TMEM178B: variants seen among roughly 807,000 people sequenced by gnomAD.
The protein encoded by TMEM178B is transmembrane protein 178B.
A neutral mutation model predicts 31.0 loss-of-function variants in TMEM178B; 5 were observed. The ratio of observed to expected loss-of-function variants is 0.16; its 90% CI spans 0.08 to 0.34. The LOEUF (loss-of-function observed/expected upper bound fraction) is 0.34, where lower values mean the gene tolerates loss of function less well. TMEM178B is among the 10% of genes least tolerant of loss of function. TMEM178B has a pLI of 1.00. For missense variants in TMEM178B, 275 were observed against 400.3 expected (o/e 0.69, Z 2.67); for synonymous variants, 164 against 164.0 (o/e 1.00, Z 0.00).
intron 1 of TMEM178B, among the ~76,000 whole-genome samples, chr7:141,075,373 A>G (rs1794585840): frequency 6.6e-6 from 1 of 152,228 alleles, no homozygotes; most frequent in African/African-American, 2.4e-5. Flanking sequence ...CAGTAACATC[A>G]AAGTGGGCAT....
chr7:141,108,145 T>C (rs1486502882), intron 1 of TMEM178B, among the ~76,000 whole-genome samples: 1 of 152,072 alleles, frequency 6.6e-6, no homozygotes, highest in Non-Finnish European at 1.5e-5. Flanking sequence ...AGGAGAAATA[T>C]TGGAGGCCGT....
intron 2 of TMEM178B, among the ~76,000 whole-genome samples, chr7:141,401,652 C>T (rs374803833): frequency 6.6e-6 from 1 of 152,068 alleles, no homozygotes; most frequent in African/African-American, 2.4e-5. Context: ...GAGATTCTCC[C>T]AACTTGGCCT....
chr7:141,103,263 C>T (rs1222681085), intron 1 of TMEM178B, among the ~76,000 whole-genome samples: 5 of 152,112 alleles, frequency 3.3e-5, no homozygotes, highest in Admixed American at 6.6e-5. Context: ...TGTAGATCAC[C>T]GGGGTAGGAA....
At chr7:141,316,215 C>G (rs1162863156) in intron 2 of TMEM178B, among the ~76,000 whole-genome samples, 2 of 152,144 alleles carry the variant, frequency 1.3e-5, no homozygotes, top group Admixed American at 1.3e-4. Flanking sequence ...GATTGGCTGG[C>G]TGGTGGGGCT....
chr7:141,335,497 AT>A (rs1478634200), intron 2 of TMEM178B, among the ~76,000 whole-genome samples: 1 of 152,136 alleles, frequency 6.6e-6, no homozygotes, highest in Non-Finnish European at 1.5e-5. Context: ...GTTCTGGACA[AT>A]TGGACAGGCA....
At chr7:141,253,470 C>T (rs1338956611) in intron 2 of TMEM178B, among the ~76,000 whole-genome samples, 2 of 151,172 alleles carry the variant, frequency 1.3e-5, no homozygotes, top group Admixed American at 6.6e-5. Context: ...AAAAATGCTG[C>T]ATTAAGTTAA....
chr7:141,179,365 A>G (rs1451607973), intron 1 of TMEM178B, among the ~76,000 whole-genome samples: 4 of 152,188 alleles, frequency 2.6e-5, no homozygotes, highest in Admixed American at 6.5e-5. Context: ...TACATTTTGG[A>G]AAAAAAGGGA....
chr7:141,419,482 G>A (rs1236833662), intron 2 of TMEM178B, among the ~76,000 whole-genome samples: 3 of 152,096 alleles, frequency 2.0e-5, no homozygotes, highest in Non-Finnish European at 4.4e-5. Context: ...CTCTGCTATA[G>A]TGCAGGTCTT....
chr7:141,149,319 G>A (rs550852998), intron 1 of TMEM178B, among the ~76,000 whole-genome samples: 9 of 152,302 alleles, frequency 5.9e-5, no homozygotes, highest in African/African-American at 1.9e-4. Context: ...CACTTTGGAA[G>A]GCCAAGGTGG....
chr7:141,380,863 A>C (rs1302416001), intron 2 of TMEM178B, among the ~76,000 whole-genome samples: 1 of 152,190 alleles, frequency 6.6e-6, no homozygotes, highest in African/African-American at 2.4e-5. Flanking sequence ...CAGGGAAAGA[A>C]GGCTATACCT....
intron 1 of TMEM178B, among the ~76,000 whole-genome samples, chr7:141,114,135 A>G (rs1795279286): frequency 6.6e-6 from 1 of 152,254 alleles, no homozygotes; most frequent in African/African-American, 2.4e-5. Context: ...CATTGATTCT[A>G]TAGGAATTGC....
intron 1 of TMEM178B, among the ~76,000 whole-genome samples, chr7:141,148,920 A>G (rs1795903941): frequency 6.6e-6 from 1 of 152,230 alleles, no homozygotes; most frequent in African/African-American, 2.4e-5. Context: ...ACAGGGAACT[A>G]CTAGTGAAAA....
At chr7:141,425,823 C>A (rs1002694406) in intron 2 of TMEM178B, among the ~76,000 whole-genome samples, 4 of 152,164 alleles carry the variant, frequency 2.6e-5, no homozygotes, top group African/African-American at 9.7e-5. Flanking sequence ...GAGCAATTCT[C>A]TGATCCGGAG....
intron 2 of TMEM178B, among the ~76,000 whole-genome samples, chr7:141,295,097 G>A (rs1428440001): frequency 6.6e-6 from 1 of 152,194 alleles, no homozygotes; most frequent in Non-Finnish European, 1.5e-5. Context: ...GGTCTCCCAT[G>A]GCCAGAGCTG....
chr7:141,440,682 A>G (rs1801641725), intron 3 of TMEM178B, among the ~76,000 whole-genome samples: 1 of 152,182 alleles, frequency 6.6e-6, no homozygotes. Context: ...CATGCAATCT[A>G]TTTTTTAAGT....
intron 2 of TMEM178B, among the ~76,000 whole-genome samples, chr7:141,425,707 C>G (rs980319643): frequency 6.6e-6 from 1 of 152,226 alleles, no homozygotes; most frequent in African/African-American, 2.4e-5. Context: ...GTGTTACCAG[C>G]TGACCTAGCT....
chr7:141,234,198 C>T (rs1797491667), intron 2 of TMEM178B, among the ~76,000 whole-genome samples: 1 of 152,168 alleles, frequency 6.6e-6, no homozygotes, highest in Admixed American at 6.5e-5. Context: ...TTGTGTAAAA[C>T]TTAAAGTGTC....
intron 2 of TMEM178B, among the ~76,000 whole-genome samples, chr7:141,218,354 G>A (rs1186771481): frequency 6.6e-6 from 1 of 152,130 alleles, no homozygotes; most frequent in Non-Finnish European, 1.5e-5. Context: ...AGGAAGGGAG[G>A]CAGGAGACCA....
chr7:141,184,972 G>A (rs570198750), intron 1 of TMEM178B, among the ~76,000 whole-genome samples: 6 of 152,190 alleles, frequency 3.9e-5, no homozygotes, highest in Non-Finnish European at 7.3e-5. Context: ...CCCTCTGGAC[G>A]TGGCCAGACA....
Sources: gnomAD v4.1 joint callset for allele counts (sites outside exome capture counted in the v4.1 genomes callset) on GRCh38, gnomAD v4.1.1 for gene constraint, MANE v1.5 for transcripts, NCBI Gene and HGNC (gene_info 2026-07-23, HGNC 2026-07-21) for gene names.